DNM3: variants seen among roughly 807,000 people sequenced by gnomAD.
DNM3 encodes dynamin-3.
A neutral mutation model predicts 101.6 loss-of-function variants in DNM3; 47 were observed. The ratio of observed to expected loss-of-function variants is 0.46; its 90% confidence interval spans 0.37 to 0.59. The LOEUF is 0.59. Among genes scored for constraint, DNM3 ranks in the 20% least tolerant of loss-of-function variants. The pLI is 0.00. For synonymous variants in DNM3, 385 were observed against 387.9 expected, an observed-to-expected ratio of 0.99 and a Z score of 0.09; for missense variants, 849 against 1,085.7, an observed-to-expected ratio of 0.78 and a Z score of 3.06.
At chr1:171,862,325 G>T (rs1162940188) in intron 1 of DNM3, among the ~76,000 whole-genome samples, 1 of 152,040 alleles carries the variant, frequency 6.6e-6, no homozygotes, top group African/African-American at 2.4e-5. Context: ...GCCAAAAGGT[G>T]GAAACACCCA....
At chr1:172,035,213 G>A (rs918124136) in intron 6 of DNM3, among the ~76,000 whole-genome samples, 2 of 152,078 alleles carry the variant, frequency 1.3e-5, no homozygotes, top group Middle Eastern at 3.2e-3. Flanking sequence ...CACCAAGATG[G>A]GGAACCCTGA....
intron 14 of DNM3, among the ~76,000 whole-genome samples, chr1:172,232,672 A>C (rs1281645860): frequency 1.3e-4 from 20 of 152,318 alleles, no homozygotes; most frequent in African/African-American, 4.1e-4. Flanking sequence ...AAAGAACAGA[A>C]ATTATAACAA....
At chr1:172,320,376 G>C (rs2148906402) in intron 16 of DNM3, among the ~76,000 whole-genome samples, 1 of 134,878 alleles carries the variant, frequency 7.4e-6, no homozygotes, top group Non-Finnish European at 1.5e-5. Flanking sequence ...AAATCTTAAA[G>C]TATAATAATA....
intron 2 of DNM3, among the ~76,000 whole-genome samples, chr1:171,963,556 G>T (rs930123879): frequency 1.3e-5 from 2 of 152,040 alleles, no homozygotes; most frequent in African/African-American, 4.8e-5. Flanking sequence ...TTCATCTATT[G>T]TAACAAATGT....
intron 18 of DNM3, among the ~76,000 whole-genome samples, chr1:172,383,828 TAG>T (rs2069049463): frequency 6.6e-6 from 1 of 152,178 alleles, no homozygotes; most frequent in Non-Finnish European, 1.5e-5. Flanking sequence ...TTATCTAGCC[TAG>T]AGAGTTTGAG....
At chr1:171,987,555 G>A (rs917538663) in intron 2 of DNM3, 101 bp from the exon 3 acceptor site, 46 of 1,217,804 alleles carry the variant, frequency 3.8e-5, no homozygotes, top group Non-Finnish European at 4.8e-5. Flanking sequence ...GAAGGAAGAA[G>A]AGAGAATATT....
At chr1:172,219,377 CA>C (rs58783160) in intron 14 of DNM3, among the ~76,000 whole-genome samples, 11,367 of 56,310 alleles carry the variant, frequency 0.2, 192 homozygotes, top group East Asian at 0.24. Flanking sequence ...TACCCTGTCT[CA>C]AAAAAAAAAA....
chr1:172,394,057 G>C (rs2069758656), intron 20 of DNM3: 1 of 152,172 alleles, frequency 6.6e-6, no homozygotes, highest in Non-Finnish European at 1.5e-5. Flanking sequence ...CAAAAGCCTT[G>C]TTCCAATTTC....
At chr1:172,234,553 C>G (rs940673255) in intron 14 of DNM3, among the ~76,000 whole-genome samples, 1 of 152,020 alleles carries the variant, frequency 6.6e-6, no homozygotes, top group Non-Finnish European at 1.5e-5. Context: ...CATATGCAAC[C>G]AAAAAAGAGC....
At chr1:172,322,375 C>T (rs2065757182) in intron 16 of DNM3, among the ~76,000 whole-genome samples, 2 of 152,190 alleles carry the variant, frequency 1.3e-5, no homozygotes, top group Admixed American at 6.5e-5. Flanking sequence ...GATCTGTTCC[C>T]GGCCCATATC....
chr1:172,249,009 A>C (rs1243497420), intron 14 of DNM3, among the ~76,000 whole-genome samples: 2 of 152,204 alleles, frequency 1.3e-5, no homozygotes, highest in African/African-American at 4.8e-5. Flanking sequence ...AGCTGTCATC[A>C]AACCAAGGCT....
chr1:171,895,185 T>A (rs1164389905), intron 1 of DNM3, among the ~76,000 whole-genome samples: 1 of 152,236 alleles, frequency 6.6e-6, no homozygotes, highest in Non-Finnish European at 1.5e-5. Flanking sequence ...ATGGCATTTC[T>A]AGTTCTAGAT....
intron 1 of DNM3, among the ~76,000 whole-genome samples, chr1:171,848,365 A>G (rs1330600484): frequency 6.6e-6 from 1 of 152,126 alleles, no homozygotes; most frequent in Admixed American, 6.6e-5. Context: ...TCTCAGACTT[A>G]GGCAAGTTAA....
At chr1:172,187,756 C>G (rs966965983) in intron 14 of DNM3, among the ~76,000 whole-genome samples, 1 of 152,014 alleles carries the variant, frequency 6.6e-6, no homozygotes, top group Admixed American at 6.6e-5. Context: ...AAGAAAATCA[C>G]TTTTTCTCCT....
chr1:172,051,177 G>C (rs897698592), intron 10 of DNM3, among the ~76,000 whole-genome samples: 1 of 152,140 alleles, frequency 6.6e-6, no homozygotes, highest in Non-Finnish European at 1.5e-5. Context: ...AAAAATCTGA[G>C]GGCCTTTATT....
chr1:171,906,983 C>T (rs762589724), intron 1 of DNM3, among the ~76,000 whole-genome samples: 1 of 152,180 alleles, frequency 6.6e-6, no homozygotes, highest in Non-Finnish European at 1.5e-5. Context: ...ATTTGATTCT[C>T]ACCACATTTC....
intron 13 of DNM3, among the ~76,000 whole-genome samples, chr1:172,094,413 T>C (rs896137452): frequency 9.9e-5 from 15 of 152,154 alleles, no homozygotes; most frequent in African/African-American, 3.6e-4. Flanking sequence ...ATGCACAGTT[T>C]GAGAATGAGA....
intron 10 of DNM3, among the ~76,000 whole-genome samples, chr1:172,061,372 C>A (rs1227559520): frequency 1.3e-5 from 2 of 149,612 alleles, no homozygotes; most frequent in African/African-American, 5.0e-5. Flanking sequence ...GACTATAAAT[C>A]ATGCTGCTAT....
At chr1:172,233,720 G>C (rs1382130907) in intron 14 of DNM3, among the ~76,000 whole-genome samples, 1 of 152,186 alleles carries the variant, frequency 6.6e-6, no homozygotes, top group African/African-American at 2.4e-5. Context: ...TCCCTGGGAT[G>C]CAAGGCTGGT....
Sources: gnomAD v4.1 joint callset for allele counts (sites outside exome capture counted in the v4.1 genomes callset) on GRCh38, gnomAD v4.1.1 for gene constraint, MANE v1.5 for transcripts, NCBI Gene and HGNC (gene_info 2026-07-23, HGNC 2026-07-21) for gene names.